The following C2orf76 variants were observed in gnomAD, a reference collection of about 807,000 sequenced individuals.
C2orf76 encodes the protein UPF0538 protein C2orf76.
In C2orf76, 23 loss-of-function variants were observed where a neutral mutation model predicts 16.9. That is an observed-to-expected ratio of 1.36 (90% CI 0.98 to 1.93). The LOEUF is 1.93. Ranked by LOEUF, C2orf76 falls within the 30% of genes most tolerant of loss-of-function variation. C2orf76 has a pLI of 0.00. For missense variants in C2orf76, 152 were observed against 152.6 expected (o/e 1.00, Z 0.02); for synonymous variants, 48 against 52.3 (o/e 0.92, Z 0.35).
At chr2:119,311,531 C>G in intron 5 of C2orf76, 91 bp downstream of exon 5, 2 of 1,516,766 alleles carry the variant, frequency 1.3e-6, no homozygotes, top group South Asian at 2.6e-5. Flanking sequence ...ACAGCATTTA[C>G]TTTCCAGTGA....
intron 4 of C2orf76, among the ~76,000 whole-genome samples, chr2:119,312,029 G>A (rs1035954560): frequency 2.6e-5 from 4 of 152,124 alleles, no homozygotes; most frequent in African/African-American, 9.7e-5. Flanking sequence ...TAGAAAAGGG[G>A]AGGAGAGGCC....
rs11903562 is a variant in C2orf76, at chr2:119,321,345, C to A, written c.134-141G>T. The A allele has an allele frequency of 6.6e-3, 3,498 of 526,644 alleles. 113 individuals carry two copies. The highest frequency in any genetic ancestry group is 0.066 in the African/African-American group (3,220 of 48,740). The allele number at this position is 526,644 out of a possible 1,614,324, so 32.6% of individuals were successfully genotyped here. On this transcript the variant is annotated intron_variant, in intron 2 of 5. Transcript: ENST00000334816. ...ACAGAACACAGAATAAATACATCAC[C>A]GAAATCCAAGGGCCATCTATATTAG...
At chr2:119,323,991 T>C (rs1184401361) in intron 2 of C2orf76, among the ~76,000 whole-genome samples, 1 of 152,242 alleles carries the variant, frequency 6.6e-6, no homozygotes, top group Non-Finnish European at 1.5e-5. Context: ...TACCAGAGCA[T>C]ATGTACTTCA....
intron 2 of C2orf76, among the ~76,000 whole-genome samples, chr2:119,321,890 A>G (rs1432933387): frequency 6.6e-6 from 1 of 151,542 alleles, no homozygotes; most frequent in African/African-American, 2.4e-5. Context: ...TGTTTAGCAT[A>G]TGAATCTGAG....
intron 1 of C2orf76, chr2:119,366,373 C>A: frequency 2.1e-6 from 1 of 468,630 alleles, no homozygotes; most frequent in South Asian, 1.6e-5. Flanking sequence ...GAGAAATGCA[C>A]CACAGACATA....
chr2:119,294,655 G>T, the C2orf76 span, among the ~76,000 whole-genome samples: 67 of 152,250 alleles, frequency 4.4e-4, 1 homozygote, highest in African/African-American at 1.6e-3. Context: ...CAGCAGCTGG[G>T]AGTGAGAGGA....
the C2orf76 span, among the ~76,000 whole-genome samples, chr2:119,288,491 T>G: frequency 6.6e-6 from 1 of 152,020 alleles, no homozygotes; most frequent in East Asian, 1.9e-4. Flanking sequence ...CATGAGAGGC[T>G]GATTATTCAT....
downstream of C2orf76, among the ~76,000 whole-genome samples, chr2:119,298,664 G>A (rs1376308185): frequency 1.3e-5 from 2 of 151,832 alleles, no homozygotes; most frequent in East Asian, 3.9e-4. Context: ...GGATTAGGTA[G>A]GTATCTTCCA....
At chr2:119,311,283 A>G in intron 5 of C2orf76, 1 of 985,374 alleles carries the variant, frequency 1.0e-6, no homozygotes, top group Non-Finnish European at 1.2e-6. Flanking sequence ...TACTATGTCC[A>G]TTTCTCTCCA....
chr2:119,350,193 G>A (rs1680352953), intron 1 of C2orf76, among the ~76,000 whole-genome samples: 1 of 151,492 alleles, frequency 6.6e-6, no homozygotes, highest in African/African-American at 2.4e-5. Flanking sequence ...TTGCACTAGA[G>A]ACACAGGACC....
chr2:119,313,643 G>C (rs1443614989), intron 4 of C2orf76, among the ~76,000 whole-genome samples: 1 of 151,940 alleles, frequency 6.6e-6, no homozygotes, highest in East Asian at 1.9e-4. Context: ...ATTATACAAA[G>C]TTCTCCAAGC....
At chr2:119,291,193 G>T in the C2orf76 span, among the ~76,000 whole-genome samples, 1 of 152,022 alleles carries the variant, frequency 6.6e-6, no homozygotes, top group African/African-American at 2.4e-5. Context: ...AAGCTGCTCG[G>T]CAAGATGTAA....
At chr2:119,338,029 C>T (rs1679906184) in intron 2 of C2orf76, among the ~76,000 whole-genome samples, 1 of 152,202 alleles carries the variant, frequency 6.6e-6, no homozygotes, top group African/African-American at 2.4e-5. Flanking sequence ...CCACAATACA[C>T]ACAAAGATTA....
intron 1 of C2orf76, among the ~76,000 whole-genome samples, chr2:119,355,799 G>A (rs1337394506): frequency 1.3e-5 from 2 of 152,140 alleles, no homozygotes; most frequent in Non-Finnish European, 2.9e-5. Context: ...TGCCAAAAAG[G>A]TTGAGGACTG....
At chr2:119,365,967 T>C (rs989466556) in intron 1 of C2orf76, among the ~76,000 whole-genome samples, 1 of 152,112 alleles carries the variant, frequency 6.6e-6, no homozygotes, top group African/African-American at 2.4e-5. Context: ...GCCTCATCTT[T>C]CTACTCTTCC....
Position 119,302,332 on chromosome 2 carries a change from G to A in C2orf76, c.*140C>T, listed in dbSNP as rs1025494181. ...AGAAAGAGAGAAGGAAAGACCTGAA[G>A]AGAAAGAAATAACCAGATTTTAGCT... is the stretch of plus-strand genomic sequence containing the variant. On this transcript the variant is annotated 3_prime_UTR_variant, in exon 6 of 6. Transcript: ENST00000334816. 38 of 417,536 alleles carry A rather than the reference G, an allele frequency of 9.1e-5. No individual in the cohort carries two copies. Among genetic ancestry groups the A allele is most frequent in the Non-Finnish European group, 1.6e-4 (37 of 228,984 alleles). 25.9% of individuals were successfully genotyped at this position (417,536 alleles called of 1,614,324 possible).
chr2:119,286,503 A>C, the C2orf76 span, among the ~76,000 whole-genome samples: 1 of 152,046 alleles, frequency 6.6e-6, no homozygotes, highest in African/African-American at 2.4e-5. Context: ...GGGACAGGGG[A>C]GAGCTGGGGG....
intron 1 of C2orf76, among the ~76,000 whole-genome samples, chr2:119,355,865 C>T (rs572583932): frequency 1.6e-4 from 25 of 152,300 alleles, no homozygotes; most frequent in Non-Finnish European, 1.5e-4. Context: ...TAGAACACCC[C>T]ACTAATGACT....
At chr2:119,359,142 T>A (rs1157295279) in intron 1 of C2orf76, among the ~76,000 whole-genome samples, 1 of 152,208 alleles carries the variant, frequency 6.6e-6, no homozygotes, top group African/African-American at 2.4e-5. Flanking sequence ...ACCTGTGCTG[T>A]ATAAGCGGAA....
Sources: gnomAD v4.1 joint callset for allele counts (sites outside exome capture counted in the v4.1 genomes callset) on GRCh38, gnomAD v4.1.1 for gene constraint, MANE v1.5 for transcripts, NCBI Gene and HGNC (gene_info 2026-07-23, HGNC 2026-07-21) for gene names.